The following OXR1 variants were observed in gnomAD, a reference collection of about 807,000 sequenced individuals.
OXR1 encodes the protein oxidation resistance protein 1.
In OXR1, 41 loss-of-function variants were observed where a neutral mutation model predicts 104.6. The ratio of observed to expected loss-of-function variants is 0.39; its 90% confidence interval spans 0.31 to 0.51. The LOEUF is 0.51. OXR1 is among the 20% of genes least tolerant of loss of function. The pLI, the probability that OXR1 is intolerant of heterozygous loss-of-function variation, is 0.77. For missense variants in OXR1, 955 were observed against 1,031.9 expected (o/e 0.93, Z 1.02); for synonymous variants, 348 against 348.4 (o/e 1.00, Z 0.01).
chr8:106,488,112 A>G (rs2129821107), intron 2 of OXR1, among the ~76,000 whole-genome samples: 1 of 146,664 alleles, frequency 6.8e-6, no homozygotes, highest in South Asian at 2.2e-4. Flanking sequence ...AATGATTGCC[A>G]TTCTAACTGG....
chr8:106,690,230 TATA>T (rs1440666797), intron 6 of OXR1, among the ~76,000 whole-genome samples: 1 of 150,840 alleles, frequency 6.6e-6, no homozygotes, highest in Non-Finnish European at 1.5e-5. Flanking sequence ...GCTTATGTAT[TATA>T]ATAAAACTAT....
At chr8:106,624,359 T>A (rs892343131) in intron 3 of OXR1, among the ~76,000 whole-genome samples, 3 of 152,132 alleles carry the variant, frequency 2.0e-5, no homozygotes, top group African/African-American at 7.2e-5. Flanking sequence ...AGTGGTGCAA[T>A]TAGCCTGGCT....
At chr8:106,335,016 A>G (rs934154511) in intron 1 of OXR1, among the ~76,000 whole-genome samples, 1 of 133,340 alleles carries the variant, frequency 7.5e-6, no homozygotes, top group Non-Finnish European at 1.5e-5. Flanking sequence ...CACATCAGAC[A>G]CATACATTGA....
intron 2 of OXR1, among the ~76,000 whole-genome samples, chr8:106,415,418 G>A (rs1818629635): frequency 2.0e-5 from 3 of 152,056 alleles, no homozygotes; most frequent in African/African-American, 7.2e-5. Flanking sequence ...TAGCAACTAA[G>A]ATAATTTTTT....
intron 3 of OXR1, among the ~76,000 whole-genome samples, chr8:106,563,164 G>T (rs1816802789): frequency 6.6e-6 from 1 of 152,016 alleles, no homozygotes; most frequent in African/African-American, 2.4e-5. Flanking sequence ...TCAGTTAAAA[G>T]GCACAGACTG....
chr8:106,402,146 C>T (rs180817709), intron 2 of OXR1, among the ~76,000 whole-genome samples: 2 of 152,134 alleles, frequency 1.3e-5, no homozygotes, highest in African/African-American at 2.4e-5. Context: ...GGAGTAGGCA[C>T]GTAGTTTAGC....
chr8:106,526,785 C>T (rs528125536), intron 3 of OXR1, among the ~76,000 whole-genome samples: 1 of 152,204 alleles, frequency 6.6e-6, no homozygotes, highest in Admixed American at 6.5e-5. Flanking sequence ...CTTCGTGATG[C>T]GCCCCCCTCT....
chr8:106,472,852 G>A (rs1821591723), intron 2 of OXR1, among the ~76,000 whole-genome samples: 1 of 151,780 alleles, frequency 6.6e-6, no homozygotes, highest in East Asian at 1.9e-4. Context: ...TGGACTACAG[G>A]TGACTAAATT....
intron 3 of OXR1, among the ~76,000 whole-genome samples, chr8:106,603,344 A>T (rs1820115690): frequency 6.6e-6 from 1 of 152,236 alleles, no homozygotes; most frequent in Non-Finnish European, 1.5e-5. Context: ...TTCTAAAAAC[A>T]TACAGTGTAT....
At chr8:106,388,316 A>G (rs1817457353) in intron 2 of OXR1, among the ~76,000 whole-genome samples, 1 of 152,190 alleles carries the variant, frequency 6.6e-6, no homozygotes, top group South Asian at 2.1e-4. Flanking sequence ...TCCCCATCCA[A>G]TACCTGTGCA....
chr8:106,729,686 T>C (rs1475708147), intron 11 of OXR1: 1 of 152,186 alleles, frequency 6.6e-6, no homozygotes, highest in Non-Finnish European at 1.5e-5. Context: ...TATACACATA[T>C]ATTCAATGTA....
chr8:106,624,626 A>C (rs1443079322), intron 3 of OXR1, among the ~76,000 whole-genome samples: 1 of 152,196 alleles, frequency 6.6e-6, no homozygotes, highest in African/African-American at 2.4e-5. Context: ...TACATCTACA[A>C]GCACTGGAAT....
chr8:106,339,177 G>C (rs1476485388), intron 1 of OXR1, among the ~76,000 whole-genome samples: 1 of 151,794 alleles, frequency 6.6e-6, no homozygotes, highest in Non-Finnish European at 1.5e-5. Flanking sequence ...CTAATTGCAT[G>C]TATTCAGCTA....
At chr8:106,471,436 C>T (rs899358272) in intron 2 of OXR1, among the ~76,000 whole-genome samples, 1 of 151,758 alleles carries the variant, frequency 6.6e-6, no homozygotes, top group Non-Finnish European at 1.5e-5. Context: ...GATGGTTGTA[C>T]TCTGACCTCA....
In OXR1 at chr8:106,670,374, A is replaced by G. The variant is rs368207343; in HGVS notation, c.221-8836A>G. Among the ~76,000 whole-genome samples, 11 of 152,208 alleles carry G rather than the reference A, an allele frequency of 7.2e-5. No individual in the cohort carries two copies. In the East Asian group the frequency reaches 1.9e-3, roughly 27 times the overall value. ...TTTCTGGAGAATTACCAGTTTCTAC[A>G]TGTAAAAATGTTTTGTCAGACGATT... is the stretch of plus-strand genomic sequence containing the variant. On this transcript the variant is annotated intron_variant, in intron 3 of 16. Coordinates refer to ENST00000517566, the MANE Select transcript of OXR1 (RefSeq NM_001198533.2).
intron 3 of OXR1, among the ~76,000 whole-genome samples, chr8:106,561,892 G>A (rs1816709800): frequency 6.6e-6 from 1 of 152,162 alleles, no homozygotes; most frequent in African/African-American, 2.4e-5. Flanking sequence ...GGGCCTGTTA[G>A]AAGGGAAACT....
chr8:106,289,568 A>G (rs7828664), intron 1 of OXR1, among the ~76,000 whole-genome samples: 80,064 of 151,950 alleles, frequency 0.53, 22,452 homozygotes, highest in African/African-American at 0.73. Flanking sequence ...AATCAATTTC[A>G]TTAAAATGGC....
intron 2 of OXR1, among the ~76,000 whole-genome samples, chr8:106,421,682 A>G (rs772904061): frequency 2.1e-5 from 3 of 146,280 alleles, no homozygotes; most frequent in Non-Finnish European, 4.5e-5. Flanking sequence ...AAGAGGCAAG[A>G]CTGGAAACAT....
chr8:106,402,412 G>A (rs1378884930), intron 2 of OXR1, among the ~76,000 whole-genome samples: 1 of 152,206 alleles, frequency 6.6e-6, no homozygotes, highest in Non-Finnish European at 1.5e-5. Flanking sequence ...GGAAACCAAT[G>A]TGAGGATTCT....
Sources: gnomAD v4.1 joint callset for allele counts (sites outside exome capture counted in the v4.1 genomes callset) on GRCh38, gnomAD v4.1.1 for gene constraint, MANE v1.5 for transcripts, NCBI Gene and HGNC (gene_info 2026-07-23, HGNC 2026-07-21) for gene names.